ABCD3: variants seen among roughly 807,000 people sequenced by gnomAD.
ABCD3 encodes the protein ATP-binding cassette sub-family D member 3.
In ABCD3, 41 loss-of-function variants were observed where a neutral mutation model predicts 105.5. That is an observed-to-expected ratio of 0.39 (90% CI 0.30 to 0.50). The LOEUF (loss-of-function observed/expected upper bound fraction) is 0.50, where lower values mean the gene tolerates loss of function less well. Among genes scored for constraint, ABCD3 ranks in the 20% least tolerant of loss-of-function variants. ABCD3 has a pLI of 0.84. For synonymous variants in ABCD3, 258 were observed against 269.0 expected (o/e 0.96, Z 0.40); for missense variants, 622 against 806.3 (o/e 0.77, Z 2.77).
chr1:94,426,848 A>T (rs1659489119), intron 1 of ABCD3, among the ~76,000 whole-genome samples: 1 of 131,618 alleles, frequency 7.6e-6, no homozygotes, highest in African/African-American at 2.9e-5. Flanking sequence ...CCCAGCCTGA[A>T]TTTTTTTTTT....
At chr1:94,505,206 A>C (rs1650292391) in intron 20 of ABCD3, among the ~76,000 whole-genome samples, 1 of 152,002 alleles carries the variant, frequency 6.6e-6, no homozygotes, top group South Asian at 2.1e-4. Context: ...TAAATTTAAA[A>C]TGTTTGTTTT....
At chr1:94,486,322 G>T (rs1649278831) in intron 10 of ABCD3, among the ~76,000 whole-genome samples, 1 of 152,148 alleles carries the variant, frequency 6.6e-6, no homozygotes, top group Non-Finnish European at 1.5e-5. Flanking sequence ...ATCCCCTTTG[G>T]ATACCGAGGG....
chr1:94,458,854 C>T (rs1351657879), intron 2 of ABCD3, among the ~76,000 whole-genome samples: 1 of 151,890 alleles, frequency 6.6e-6, no homozygotes, highest in African/African-American at 2.4e-5. Context: ...TAGTTCTAGC[C>T]CATGATGATA....
At chr1:94,480,125 AT>A (rs1023530642) in intron 8 of ABCD3, 44 of 294,924 alleles carry the variant, frequency 1.5e-4, no homozygotes, top group Non-Finnish European at 1.9e-5. Flanking sequence ...AGGTCTAAGA[AT>A]TATTGTGGAA....
At chr1:94,387,878 C>G in the ABCD3 span, among the ~76,000 whole-genome samples, 2 of 152,112 alleles carry the variant, frequency 1.3e-5, no homozygotes, top group Admixed American at 1.3e-4. Context: ...GAATCTGATT[C>G]CTTGTACTAA....
chr1:94,480,596 A>G lies in ABCD3; in HGVS notation c.817A>G (p.Ile273Val), dbSNP rs746733182. 17 of 1,613,754 alleles carry G rather than the reference A, an allele frequency of 1.1e-5. No individual in the cohort carries two copies. In the East Asian group the frequency reaches 3.3e-4, roughly 32 times the overall value. The change falls in exon 9 of 23, where the codon ATC (isoleucine) becomes GTC (valine). Residue 273 changes from isoleucine to valine, a missense_variant. Ile to Val is a conservative substitution (Grantham distance 29). Transcript: ENST00000370214. ...ATATAGATATGTTAATTCTCGGCTC[A>G]TCACAAACAGGTAAAGACAAATGCA... Reference protein sequence around the residue: ...GEYRYVNSRLITNSEEIAFYN... With the variant: ...GEYRYVNSRLVTNSEEIAFYN...
intron 20 of ABCD3, 112 bp downstream of exon 20, chr1:94,499,726 G>A: frequency 7.5e-7 from 1 of 1,339,040 alleles, no homozygotes. Context: ...GTTTCAGTAT[G>A]GATTAGTTTA....
At chr1:94,395,222 C>T in the ABCD3 span, among the ~76,000 whole-genome samples, 3 of 152,180 alleles carry the variant, frequency 2.0e-5, no homozygotes, top group Non-Finnish European at 4.4e-5. Context: ...CATCCTACTC[C>T]CTTTTTAATT....
At chr1:94,393,113 T>A in the ABCD3 span, among the ~76,000 whole-genome samples, 10 of 144,952 alleles carry the variant, frequency 6.9e-5, no homozygotes, top group East Asian at 2.0e-4. Context: ...CTCAAAAAAA[T>A]AAATAAATAA....
chr1:94,465,611 A>G (rs949307760), intron 3 of ABCD3, among the ~76,000 whole-genome samples: 2 of 152,212 alleles, frequency 1.3e-5, no homozygotes, highest in Admixed American at 1.3e-4. Flanking sequence ...AAACCCTTTT[A>G]TTACATTGAG....
At chr1:94,459,591 A>G (rs1647771467) in intron 2 of ABCD3, among the ~76,000 whole-genome samples, 1 of 152,206 alleles carries the variant, frequency 6.6e-6, no homozygotes, top group South Asian at 2.1e-4. Flanking sequence ...CTATATCTCT[A>G]CATGTTATAT....
At chr1:94,399,812 A>G in the ABCD3 span, among the ~76,000 whole-genome samples, 1 of 152,112 alleles carries the variant, frequency 6.6e-6, no homozygotes, top group Admixed American at 6.5e-5. Context: ...TTGGGGGAGG[A>G]CTCCATCCAG....
chr1:94,514,921 A>G (rs1457563363), intron 21 of ABCD3: 6 of 512,752 alleles, frequency 1.2e-5, no homozygotes, highest in Non-Finnish European at 2.1e-5. Flanking sequence ...CCCAAAAGAA[A>G]ATAATACACT....
chr1:94,492,806 G>C (rs560152966), intron 16 of ABCD3, among the ~76,000 whole-genome samples: 48 of 152,260 alleles, frequency 3.2e-4, no homozygotes, highest in African/African-American at 1.1e-3. Flanking sequence ...CAATGAGAAA[G>C]GGGGTTGGGA....
At chr1:94,438,779 AT>A (rs200467419) in intron 1 of ABCD3, among the ~76,000 whole-genome samples, 35 of 150,148 alleles carry the variant, frequency 2.3e-4, no homozygotes, top group Middle Eastern at 3.4e-3. Flanking sequence ...ATGTCCATTG[AT>A]TTTTTTTTTA....
rs1650956030 is a variant in ABCD3, at chr1:94,517,197, A to C, written c.*68A>C. 1.1e-5 allele frequency: 13 copies of C among 1,185,412 alleles called. No homozygotes were observed. In the South Asian group the frequency reaches 1.4e-4, roughly 13 times the overall value. 73.4% of individuals were successfully genotyped at this position (1,185,412 alleles called of 1,614,324 possible). On this transcript the variant is annotated 3_prime_UTR_variant, in exon 23 of 23. Coordinates refer to ENST00000370214, the MANE Select transcript of ABCD3 (RefSeq NM_002858.4). ...GAATATACTTAGAAAGGCAAAGTAC[A>C]TTGTAAAATAAAGTTGAGCTTAGTT...
the ABCD3 span, among the ~76,000 whole-genome samples, chr1:94,412,153 A>T: frequency 6.6e-6 from 1 of 152,160 alleles, no homozygotes; most frequent in African/African-American, 2.4e-5. Context: ...TGTCATGTGA[A>T]CGTCACCTCA....
intron 20 of ABCD3, among the ~76,000 whole-genome samples, chr1:94,499,887 T>A (rs4148042): frequency 0.36 from 54,856 of 152,012 alleles, 11,455 homozygotes; most frequent in Middle Eastern, 0.55. Context: ...TCAGAGAAAC[T>A]CTGTAGCTCA....
intron 1 of ABCD3, among the ~76,000 whole-genome samples, chr1:94,428,811 A>G (rs781298585): frequency 6.6e-6 from 1 of 151,988 alleles, no homozygotes; most frequent in Non-Finnish European, 1.5e-5. Context: ...TATCAGCAGG[A>G]TGAAAACAGA....
Sources: allele counts gnomAD v4.1 joint callset (sites outside exome capture counted in the v4.1 genomes callset), GRCh38; gene constraint gnomAD v4.1.1; transcripts MANE v1.5; gene names NCBI Gene and HGNC (gene_info 2026-07-23, HGNC 2026-07-21).